Variants in OLFM2 observed in about 807,000 individuals in gnomAD.
OLFM2 encodes noelin-2.
A neutral mutation model predicts 43.9 loss-of-function variants in OLFM2; 20 were observed. The ratio of observed to expected loss-of-function variants is 0.46; its 90% confidence interval spans 0.32 to 0.66. The LOEUF is 0.66. OLFM2 is among the 30% of genes least tolerant of loss of function. The probability of loss-of-function intolerance (pLI) is 0.04; values close to 1 mark genes in which losing one functional copy is unlikely to be tolerated. For missense variants in OLFM2, 416 were observed against 643.6 expected, an observed-to-expected ratio of 0.65 and a Z score of 3.83; for synonymous variants, 268 against 278.6, an observed-to-expected ratio of 0.96 and a Z score of 0.38.
intron 1 of OLFM2, among the ~76,000 whole-genome samples, chr19:9,922,947 A>AGAAAG (rs1204540476): frequency 2.0e-5 from 3 of 151,940 alleles, no homozygotes. Context: ...AGAAAAGAAA[A>AGAAAG]GAAAAAGAAA....
chr19:9,897,762 CAG>C (rs2046699258), intron 1 of OLFM2, among the ~76,000 whole-genome samples: 1 of 152,122 alleles, frequency 6.6e-6, no homozygotes, highest in South Asian at 2.1e-4. Flanking sequence ...GGCTCCTCCA[CAG>C]AGTCACAAAA....
rs758216718 is a variant in OLFM2, at chr19:9,857,415, G to A, written c.428C>T (p.Thr143Met). The change falls in exon 4 of 6, where the codon ACG becomes ATG. Residue 143 changes from threonine (T) to methionine (M), a missense_variant. Thr to Met is a moderately conservative substitution (Grantham distance 81, BLOSUM62 -1). Coordinates refer to ENST00000264833, the MANE Select transcript of OLFM2 (RefSeq NM_058164.4). This position sits in a 1 kb window ranked among gnomAD's most constrained non-coding sequence, Gnocchi z 5.7. ...CTCCCGCAAGCGTACAATGGTCCGC[G>A]TGTCTGCCTTGTACTGCTCCAGGAC... ...SSVLEQYKAD[T>M]RTIVRLREEV... 6.2e-6 allele frequency: 10 copies of A among 1,614,022 alleles called. No homozygotes were observed. The highest frequency in any genetic ancestry group is 3.3e-5 in the Admixed American group (2 of 59,996).
chr19:9,859,221 C>A (rs2046347808), intron 2 of OLFM2, among the ~76,000 whole-genome samples: 1 of 152,238 alleles, frequency 6.6e-6, no homozygotes, highest in South Asian at 2.1e-4. Flanking sequence ...TTCCCTTCTC[C>A]ACAGTTTCAC....
intron 1 of OLFM2, among the ~76,000 whole-genome samples, chr19:9,889,920 AT>A (rs149190423): frequency 6.8e-4 from 100 of 147,742 alleles, no homozygotes; most frequent in South Asian, 3.2e-3. Context: ...ATAAATTCCA[AT>A]TTTTTTTTTT....
chr19:9,884,491 C>T (rs886367006), intron 1 of OLFM2, among the ~76,000 whole-genome samples: 3 of 151,946 alleles, frequency 2.0e-5, no homozygotes, highest in East Asian at 1.9e-4. Context: ...GCAGGAGAAT[C>T]GCTTGAACCT....
intron 2 of OLFM2, among the ~76,000 whole-genome samples, chr19:9,858,937 T>C (rs1326125957): frequency 6.6e-6 from 1 of 151,584 alleles, no homozygotes; most frequent in African/African-American, 2.4e-5. Context: ...CTGGCTAAGG[T>C]AGACCCTCAC....
At chr19:9,872,399 C>T (rs1157002307) in intron 1 of OLFM2, among the ~76,000 whole-genome samples, 1 of 152,058 alleles carries the variant, frequency 6.6e-6, no homozygotes, top group African/African-American at 2.4e-5. Context: ...CCTGTGGTCC[C>T]AGCTACTCAG....
intron 1 of OLFM2, among the ~76,000 whole-genome samples, chr19:9,861,291 C>T (rs545772429): frequency 2.7e-5 from 4 of 150,578 alleles, no homozygotes; most frequent in Non-Finnish European, 4.4e-5. Context: ...AGCAGTGGCG[C>T]GATCTGGGCT....
chr19:9,881,668 T>TA (rs1320948283), intron 1 of OLFM2, among the ~76,000 whole-genome samples: 1 of 46,240 alleles, frequency 2.2e-5, no homozygotes, highest in Non-Finnish European at 5.9e-5. Context: ...ATTTTTAATT[T>TA]TTTTTTTTTT....
rs753901270 is a variant in OLFM2 at position 9,854,907 on chromosome 19, G to A, written c.688-44C>T. The A allele has an allele frequency of 3.0e-5, 44 of 1,449,094 alleles. No homozygotes were observed. The highest frequency in any genetic ancestry group is 3.9e-5 in the Non-Finnish European group (42 of 1,076,104). The allele number at this position is 1,449,094 out of a possible 1,614,324, so 89.8% of individuals were successfully genotyped here. On this transcript the variant is annotated intron_variant, in intron 5 of 5. Coordinates refer to ENST00000264833, the MANE Select transcript of OLFM2 (RefSeq NM_058164.4). The surrounding 1 kb of genome is among the most constrained non-coding windows in gnomAD (Gnocchi z 9.5). Reference sequence around the variant, plus strand: ...GTCACTGGGGGGAACCACCACCAACGACCCAAGGGTCCCAGCACCAGCTAC... The same window carrying A: ...GTCACTGGGGGGAACCACCACCAACAACCCAAGGGTCCCAGCACCAGCTAC...
chr19:9,903,677 C>T (rs1038788702), intron 1 of OLFM2, among the ~76,000 whole-genome samples: 3 of 152,144 alleles, frequency 2.0e-5, no homozygotes, highest in Non-Finnish European at 2.9e-5. Flanking sequence ...ATGGCACTTA[C>T]GAGGGCTAAT....
At position 9,856,929 on chromosome 19, in the gene OLFM2, A is replaced by C. The variant is rs376587644; in HGVS notation, c.581-16T>G. 6.3e-7 allele frequency: 1 copy of C among 1,575,260 alleles called. No homozygotes were observed. Among genetic ancestry groups the C allele is most frequent in the Non-Finnish European group, 8.7e-7 (1 of 1,153,536 alleles). On this transcript the variant is annotated splice_polypyrimidine_tract_variant and intron_variant, in intron 4 of 5. Coordinates refer to ENST00000264833, the MANE Select transcript of OLFM2 (RefSeq NM_058164.4). The surrounding 1 kb of genome is among the most constrained non-coding windows in gnomAD (Gnocchi z 4.0). ...TTCCCACAGCCTGGGAGGCAGGAAC[A>C]GGGGGAATGAGGATGGGGAAATGAA...
intron 1 of OLFM2, among the ~76,000 whole-genome samples, chr19:9,928,795 ACT>A (rs1430761968): frequency 6.7e-6 from 1 of 150,250 alleles, no homozygotes; most frequent in East Asian, 2.0e-4. Context: ...ACAGAGTGAG[ACT>A]CTGTCTAAAA....
At chr19:9,876,383 G>T (rs2046488244) in intron 1 of OLFM2, among the ~76,000 whole-genome samples, 1 of 152,298 alleles carries the variant, frequency 6.6e-6, no homozygotes, top group African/African-American at 2.4e-5. Context: ...GAGTCCCCCA[G>T]GCAGCGGCTG....
chr19:9,928,650 C>T (rs991664249), intron 1 of OLFM2, among the ~76,000 whole-genome samples: 16 of 151,678 alleles, frequency 1.1e-4, no homozygotes, highest in African/African-American at 3.6e-4. Flanking sequence ...ATTAAAAATA[C>T]AAAAACTAGC....
intron 1 of OLFM2, among the ~76,000 whole-genome samples, chr19:9,869,719 C>T (rs1037552175): frequency 1.3e-5 from 2 of 152,166 alleles, no homozygotes; most frequent in Non-Finnish European, 2.9e-5. Flanking sequence ...TGACCTCAAG[C>T]GATCCTCTGG....
intron 1 of OLFM2, among the ~76,000 whole-genome samples, chr19:9,934,393 A>C (rs866089643): frequency 1.3e-5 from 2 of 152,110 alleles, no homozygotes; most frequent in Middle Eastern, 3.4e-3. Context: ...CCGCCCCCAA[A>C]GCAACTCCCT....
intron 1 of OLFM2, among the ~76,000 whole-genome samples, chr19:9,920,478 T>G (rs1275452270): frequency 6.6e-6 from 1 of 152,024 alleles, no homozygotes; most frequent in Non-Finnish European, 1.5e-5. Context: ...TCTCCATCAC[T>G]CCTCTTCTAT....
At chr19:9,861,064 T>C (rs935804044) in intron 1 of OLFM2, among the ~76,000 whole-genome samples, 1 of 151,994 alleles carries the variant, frequency 6.6e-6, no homozygotes, top group Non-Finnish European at 1.5e-5. Context: ...TCACACAGAT[T>C]TGCACGCACA....
Sources: gnomAD v4.1 joint callset for allele counts (sites outside exome capture counted in the v4.1 genomes callset) on GRCh38, gnomAD v4.1.1 for gene constraint, Gnocchi (gnomAD v3.1) non-coding constraint, MANE v1.5 for transcripts, NCBI Gene and HGNC (gene_info 2026-07-23, HGNC 2026-07-21) for gene names.